CADPS: variants seen among roughly 807,000 people sequenced by gnomAD.
CADPS encodes calcium dependent secretion activator, also known as calcium-dependent secretion activator 1.
A neutral mutation model predicts 167.3 loss-of-function variants in CADPS; 57 were observed. That is an observed-to-expected ratio of 0.34 (90% confidence interval 0.28 to 0.42). The LOEUF is 0.42. Among genes scored for constraint, CADPS ranks in the 20% least tolerant of loss-of-function variants. CADPS has a pLI of 1.00. For synonymous variants in CADPS, 676 were observed against 635.3 expected, an observed-to-expected ratio of 1.06 and a Z score of -0.96; for missense variants, 1,414 against 1,738.1, an observed-to-expected ratio of 0.81 and a Z score of 3.32.
At chr3:62,787,390 T>C (rs965494237) in intron 1 of CADPS, among the ~76,000 whole-genome samples, 2 of 152,198 alleles carry the variant, frequency 1.3e-5, no homozygotes, top group African/African-American at 2.4e-5. Context: ...TACTGAAGCA[T>C]ATTCAAGCAT....
rs533893584 is a variant in CADPS, at chr3:62,579,468, A to G, written c.1577+5717T>C. On this transcript the variant is annotated intron_variant, in intron 8 of 29. Transcript: ENST00000383710. ...GGGAAGACAGACAACAAACTAATAA[A>G]TAAAGAAGTATATGATATACATGAT... Among the ~76,000 whole-genome samples, 10 of 152,358 alleles carry G rather than the reference A, an allele frequency of 6.6e-5. No homozygotes were observed. In the South Asian group the frequency reaches 2.1e-3, roughly 32 times the overall value.
chr3:62,417,474 G>A (rs548619596), intron 28 of CADPS, among the ~76,000 whole-genome samples: 119 of 151,338 alleles, frequency 7.9e-4, no homozygotes, highest in African/African-American at 2.8e-3. Flanking sequence ...TAGTAGAGAT[G>A]GGGTTTTGCT....
At chr3:62,428,064 C>T (rs995240272) in intron 28 of CADPS, among the ~76,000 whole-genome samples, 1 of 152,116 alleles carries the variant, frequency 6.6e-6, no homozygotes, top group Non-Finnish European at 1.5e-5. Context: ...TGGCAAGTGA[C>T]ACTATCATTG....
chr3:62,481,927 C>G (rs1390352845), intron 21 of CADPS, 58 bp from the exon 22 acceptor site: 1 of 1,499,408 alleles, frequency 6.7e-7, no homozygotes, highest in African/African-American at 1.4e-5. Flanking sequence ...GCAGATGTGG[C>G]AGAAGCACAC....
chr3:62,863,067 G>A (rs2081095980), intron 1 of CADPS, among the ~76,000 whole-genome samples: 1 of 152,214 alleles, frequency 6.6e-6, no homozygotes, highest in Non-Finnish European at 1.5e-5. Context: ...ATGAACTCAT[G>A]TATCACCTAT....
chr3:62,690,321 G>T (rs1365888333), intron 3 of CADPS, among the ~76,000 whole-genome samples: 1 of 152,050 alleles, frequency 6.6e-6, no homozygotes, highest in African/African-American at 2.4e-5. Flanking sequence ...TAATCTCCAA[G>T]ATGATGCATG....
chr3:62,429,652 T>G (rs2053530782), intron 28 of CADPS, among the ~76,000 whole-genome samples: 1 of 152,010 alleles, frequency 6.6e-6, no homozygotes, highest in Admixed American at 6.6e-5. Context: ...TACTTGTACA[T>G]GTGTACTGTG....
chr3:62,850,108 G>A (rs1403667900), intron 1 of CADPS, among the ~76,000 whole-genome samples: 4 of 105,178 alleles, frequency 3.8e-5, no homozygotes, highest in African/African-American at 1.0e-4. Context: ...GTATTTCTGT[G>A]GGATCGGTGG....
rs145634880 is a variant in CADPS at position 62,594,764 on chromosome 3, T to A, written c.1326-2016A>T. ...TCTTCCATCAACAAAAATTTAGAGA[T>A]CTTACACTGTTGCAGGAGCTGTGTT... On this transcript the variant is annotated intron_variant, in intron 6 of 29. Coordinates refer to ENST00000383710, the MANE Select transcript of CADPS (RefSeq NM_003716.4). Among the ~76,000 whole-genome samples, 452 of 152,142 alleles carry A rather than the reference T, an allele frequency of 3.0e-3. 2 individuals carry two copies. Among genetic ancestry groups the A allele is most frequent in the African/African-American group, 0.01 (433 of 41,486 alleles).
chr3:62,401,977 G>A (rs1706387147), intron 29 of CADPS, among the ~76,000 whole-genome samples: 1 of 152,146 alleles, frequency 6.6e-6, no homozygotes, highest in South Asian at 2.1e-4. Flanking sequence ...ACCACTTGAC[G>A]ATTGAGCTGG....
chr3:62,669,293 C>G (rs1276519774), intron 3 of CADPS, among the ~76,000 whole-genome samples: 1 of 152,196 alleles, frequency 6.6e-6, no homozygotes, highest in Non-Finnish European at 1.5e-5. Flanking sequence ...TGGCAGGGCC[C>G]TCCTTTCCTC....
At chr3:62,508,483 G>A (rs2067093285) in intron 17 of CADPS, among the ~76,000 whole-genome samples, 1 of 152,128 alleles carries the variant, frequency 6.6e-6, no homozygotes, top group South Asian at 2.1e-4. Flanking sequence ...GTTTAACCTT[G>A]GGGGAGTGAC....
chr3:62,579,379 G>A (rs2082939623), intron 8 of CADPS, among the ~76,000 whole-genome samples: 1 of 152,160 alleles, frequency 6.6e-6, no homozygotes, highest in South Asian at 2.1e-4. Context: ...GTCAGTCTCT[G>A]TATGAAGGTC....
chr3:62,801,139 T>C (rs964585907), intron 1 of CADPS, among the ~76,000 whole-genome samples: 8 of 152,174 alleles, frequency 5.3e-5, no homozygotes, highest in African/African-American at 1.7e-4. Context: ...GAAGAATTAC[T>C]GAGAGGCTTA....
intron 10 of CADPS, among the ~76,000 whole-genome samples, chr3:62,555,215 A>G (rs1315210706): frequency 1.3e-5 from 2 of 152,180 alleles, no homozygotes; most frequent in African/African-American, 4.8e-5. Context: ...ATTGATTTAC[A>G]TTTTACATCT....
chr3:62,719,785 A>T (rs1409379861), intron 3 of CADPS, among the ~76,000 whole-genome samples: 1 of 152,206 alleles, frequency 6.6e-6, no homozygotes, highest in Admixed American at 6.5e-5. Flanking sequence ...TTAGGAAAAC[A>T]TTTCCAGCTC....
At chr3:62,409,816 A>T (rs1268680334) in intron 28 of CADPS, among the ~76,000 whole-genome samples, 1 of 152,204 alleles carries the variant, frequency 6.6e-6, no homozygotes, top group Non-Finnish European at 1.5e-5. Flanking sequence ...GAATAAGGAG[A>T]GCAAAATGGT....
At chr3:62,405,571 G>GA (rs1255944357) in intron 28 of CADPS, among the ~76,000 whole-genome samples, 1 of 152,008 alleles carries the variant, frequency 6.6e-6, no homozygotes, top group Non-Finnish European at 1.5e-5. Flanking sequence ...AAAGGTAGGA[G>GA]ACTATCAACA....
At chr3:62,559,626 C>A (rs1010061711) in intron 9 of CADPS, among the ~76,000 whole-genome samples, 1 of 152,090 alleles carries the variant, frequency 6.6e-6, no homozygotes, top group Non-Finnish European at 1.5e-5. Context: ...TCCTGAGTAG[C>A]TGGGATTACA....
Sources: gnomAD v4.1 joint callset for allele counts (sites outside exome capture counted in the v4.1 genomes callset) on GRCh38, gnomAD v4.1.1 for gene constraint, MANE v1.5 for transcripts, NCBI Gene and HGNC (gene_info 2026-07-23, HGNC 2026-07-21) for gene names.